Variants in FEZ2 observed in about 807,000 individuals in gnomAD.
FEZ2 encodes the protein fasciculation and elongation protein zeta 2.
In FEZ2, 51 loss-of-function variants were observed where a neutral mutation model predicts 40.4. The observed-to-expected ratio is 1.26, with a 90% confidence interval of 1.01 to 1.59. The LOEUF is 1.59. Ranked by LOEUF, FEZ2 falls within the 40% of genes most tolerant of loss-of-function variation. FEZ2 has a pLI of 0.00. For synonymous variants in FEZ2, 242 were observed against 172.0 expected (o/e 1.41, Z -3.18); for missense variants, 640 against 438.3 (o/e 1.46, Z -4.11).
In FEZ2 at chr2:36,590,921, C is replaced by G. The variant is rs199707670; in HGVS notation, c.357G>C (p.Leu119=). 1 of 1,604,140 alleles carries G rather than the reference C, an allele frequency of 6.2e-7. No homozygotes were observed. Residue 119 remains leucine, a synonymous_variant, in exon 2 of 8, where the codon CTG becomes CTC. Coordinates refer to ENST00000405912, the MANE Select transcript of FEZ2 (RefSeq NM_005102.3). ...SHTRTLHLLT[L]NLSEKGVSDS... ...AACTTACCCCTTTTTCTGAGAGGTT[C>G]AGAGTAAGCAAGTGCAAGGTCCTAG...
chr2:36,583,305 C>G (rs1202953132), intron 3 of FEZ2, 48 bp downstream of exon 3: 3 of 951,072 alleles, frequency 3.2e-6, no homozygotes, highest in Non-Finnish European at 5.0e-6. Context: ...AGCCGTTTTT[C>G]AGCTCTAGAG....
chr2:36,563,373 G>C (rs1668142215), intron 5 of FEZ2, among the ~76,000 whole-genome samples: 1 of 152,194 alleles, frequency 6.6e-6, no homozygotes. Context: ...TGCTGAGTCA[G>C]TGGCTGCAGC....
intron 5 of FEZ2, among the ~76,000 whole-genome samples, chr2:36,569,774 C>T (rs1054508148): frequency 6.6e-6 from 1 of 152,118 alleles, no homozygotes; most frequent in Non-Finnish European, 1.5e-5. Flanking sequence ...CACCTGACAC[C>T]AACTGGTACA....
chr2:36,555,417 A>C (rs531497483), intron 7 of FEZ2: 1 of 269,432 alleles, frequency 3.7e-6, no homozygotes, highest in Non-Finnish European at 6.9e-6. Context: ...CATCTCACTA[A>C]TTTTCTTCTA....
chr2:36,582,332 A>G (rs1171063289), intron 3 of FEZ2, among the ~76,000 whole-genome samples: 1 of 152,216 alleles, frequency 6.6e-6, no homozygotes, highest in African/African-American at 2.4e-5. Context: ...CCACCAAGGA[A>G]AAACAAAGGC....
At chr2:36,556,601 T>C (rs924840741) in intron 6 of FEZ2, 6 of 152,238 alleles carry the variant, frequency 3.9e-5, no homozygotes, top group African/African-American at 1.4e-4. Flanking sequence ...CACTTCCTAA[T>C]TGTGTGACGC....
chr2:36,568,762 C>T (rs180893115), intron 5 of FEZ2, among the ~76,000 whole-genome samples: 4 of 152,322 alleles, frequency 2.6e-5, no homozygotes, highest in African/African-American at 9.6e-5. Context: ...ACAGCTTCAA[C>T]ACCAGTATTT....
At chr2:36,589,395 G>A (rs1669002128) in intron 2 of FEZ2, among the ~76,000 whole-genome samples, 2 of 152,224 alleles carry the variant, frequency 1.3e-5, no homozygotes, top group Admixed American at 1.3e-4. Flanking sequence ...CAGGAATTTA[G>A]GCCATGGCTA....
intron 5 of FEZ2, among the ~76,000 whole-genome samples, chr2:36,561,667 G>A (rs1050445768): frequency 3.3e-5 from 5 of 152,150 alleles, no homozygotes; most frequent in South Asian, 2.1e-4. Flanking sequence ...CCTCTATGGC[G>A]GCTGAGTCAA....
chr2:36,557,752 A>C (rs1332718327), intron 6 of FEZ2: 1 of 152,196 alleles, frequency 6.6e-6, no homozygotes, highest in Non-Finnish European at 1.5e-5. Context: ...TTCCAAGGAT[A>C]TCCCTGAAAA....
intron 2 of FEZ2, among the ~76,000 whole-genome samples, chr2:36,586,907 C>G (rs1265380295): frequency 6.6e-6 from 1 of 152,226 alleles, no homozygotes; most frequent in Non-Finnish European, 1.5e-5. Context: ...GATGGCGCCA[C>G]TGTACTCCAG....
At chr2:36,591,035 C>A in intron 1 of FEZ2, 24 bp from the exon 2 acceptor site, 1 of 1,373,340 alleles carries the variant, frequency 7.3e-7, no homozygotes, top group Middle Eastern at 1.8e-4. Context: ...AAGCTACAAT[C>A]AATGAAAATT....
At chr2:36,580,721 C>G (rs1043736801) in intron 4 of FEZ2, among the ~76,000 whole-genome samples, 4 of 152,122 alleles carry the variant, frequency 2.6e-5, no homozygotes, top group Non-Finnish European at 5.9e-5. Flanking sequence ...TCAATTGTGT[C>G]CTCCCCAAAA....
In FEZ2 at chr2:36,581,355, C is replaced by T. The variant is rs757862888; in HGVS notation, c.569G>A (p.Arg190Gln). ...AATTTCCTGGGAAAGCATTGAAAGC[C>T]GATCTGACTGTGTAGGGGTTTCATC... ...EDDETPTQSD[R>Q]LSMLSQEIQT... The change falls in exon 4 of 8, where the codon CGG becomes CAG. Residue 190 changes from arginine to glutamine, a missense_variant. Coordinates refer to ENST00000405912, the MANE Select transcript of FEZ2 (RefSeq NM_005102.3). The T allele has an allele frequency of 1.6e-5, 26 of 1,613,616 alleles. No individual in the cohort carries two copies. Among genetic ancestry groups the T allele is most frequent in the Non-Finnish European group, 2.2e-5 (26 of 1,179,590 alleles).
intron 7 of FEZ2, among the ~76,000 whole-genome samples, chr2:36,553,461 A>T (rs1667874464): frequency 6.6e-6 from 1 of 152,168 alleles, no homozygotes; most frequent in African/African-American, 2.4e-5. Context: ...CTATACCATG[A>T]GGCTTGTGAC....
chr2:36,592,545 C>T (rs1443047139), intron 1 of FEZ2, among the ~76,000 whole-genome samples: 1 of 151,624 alleles, frequency 6.6e-6, no homozygotes, highest in Non-Finnish European at 1.5e-5. Flanking sequence ...GTGGCTCATG[C>T]CTGTAATCCC....
At chr2:36,592,931 C>T (rs1031596264) in intron 1 of FEZ2, among the ~76,000 whole-genome samples, 1 of 152,200 alleles carries the variant, frequency 6.6e-6, no homozygotes, top group African/African-American at 2.4e-5. Context: ...CAGTCCATTC[C>T]TATTCTCCTC....
chr2:36,596,503 C>T (rs367904784), intron 1 of FEZ2, among the ~76,000 whole-genome samples: 61 of 152,338 alleles, frequency 4.0e-4, no homozygotes, highest in African/African-American at 1.4e-3. Flanking sequence ...GACACCCAGG[C>T]TGGAGTGCAG....
chr2:36,576,635 C>A (rs1298981440), intron 5 of FEZ2, among the ~76,000 whole-genome samples: 1 of 152,194 alleles, frequency 6.6e-6, no homozygotes, highest in Non-Finnish European at 1.5e-5. Context: ...CATTACTGAA[C>A]TGATTAAAAT....
Sources: gnomAD v4.1 joint callset for allele counts (sites outside exome capture counted in the v4.1 genomes callset) on GRCh38, gnomAD v4.1.1 for gene constraint, MANE v1.5 for transcripts, NCBI Gene and HGNC (gene_info 2026-07-23, HGNC 2026-07-21) for gene names.